GRIK4: variants seen among roughly 807,000 people sequenced by gnomAD.
The protein encoded by GRIK4 is glutamate receptor ionotropic, kainate 4.
GRIK4 carries 40 observed loss-of-function variants against 104.9 expected under a neutral mutation model. The ratio of observed to expected loss-of-function variants is 0.38; its 90% CI spans 0.30 to 0.50. The LOEUF is 0.50. GRIK4 is among the 20% of genes least tolerant of loss of function. The pLI, the probability that GRIK4 is intolerant of heterozygous loss-of-function variation, is 0.93. For synonymous variants in GRIK4, 485 were observed against 524.9 expected, an observed-to-expected ratio of 0.92 and a Z score of 1.04; for missense variants, 1,047 against 1,308.1, an observed-to-expected ratio of 0.80 and a Z score of 3.08.
chr11:120,704,613 T>C (rs1387068778), intron 3 of GRIK4, among the ~76,000 whole-genome samples: 3 of 152,172 alleles, frequency 2.0e-5, no homozygotes, highest in Non-Finnish European at 2.9e-5. Flanking sequence ...AGGATAGACA[T>C]TTTTGCTTGC....
intron 1 of GRIK4, among the ~76,000 whole-genome samples, chr11:120,595,030 G>A (rs1254226434): frequency 6.6e-6 from 1 of 152,182 alleles, no homozygotes; most frequent in Non-Finnish European, 1.5e-5. Flanking sequence ...TGAGTTTCAG[G>A]ATCAACCACA....
intron 3 of GRIK4, among the ~76,000 whole-genome samples, chr11:120,800,735 G>A (rs1952606587): frequency 5.3e-5 from 8 of 152,202 alleles, no homozygotes; most frequent in Admixed American, 5.2e-4. Flanking sequence ...GCAATATTCT[G>A]TGTCCTGATT....
chr11:120,785,193 G>A (rs1411539312), intron 3 of GRIK4, among the ~76,000 whole-genome samples: 1 of 152,190 alleles, frequency 6.6e-6, no homozygotes, highest in African/African-American at 2.4e-5. Flanking sequence ...CTGGCTGTTT[G>A]TGCAGTGAGC....
At chr11:120,876,507 G>A (rs1260532688) in intron 11 of GRIK4, among the ~76,000 whole-genome samples, 1 of 148,686 alleles carries the variant, frequency 6.7e-6, no homozygotes, top group Non-Finnish European at 1.5e-5. Context: ...CACTGCGATT[G>A]TCATCATCAT....
chr11:120,765,698 T>C (rs559302689), intron 3 of GRIK4, among the ~76,000 whole-genome samples: 1 of 152,296 alleles, frequency 6.6e-6, no homozygotes, highest in South Asian at 2.1e-4. Context: ...TTGTTATTTT[T>C]CCTTCTAACA....
Position 120,968,551 on chromosome 11 carries a change from G to A in GRIK4, c.2395+1228G>A, listed in dbSNP as rs1296927289. On this transcript the variant is annotated intron_variant, in intron 19 of 20. Transcript: ENST00000527524. ...ACTATGTGATTCTCAGTGTCTATAC[G>A]TGGATCTCTATCTTGCAAGAAGAGG... Among the ~76,000 whole-genome samples the A allele has an allele frequency of 4.6e-5, 7 of 152,300 alleles. 1 individual carries two copies. In the South Asian group the frequency reaches 8.3e-4, roughly 18 times the overall value.
chr11:120,666,855 G>A (rs1386145645), intron 3 of GRIK4, among the ~76,000 whole-genome samples: 2 of 152,226 alleles, frequency 1.3e-5, no homozygotes, highest in Non-Finnish European at 2.9e-5. Flanking sequence ...AATTTCAAAA[G>A]CCTGTCTCCA....
chr11:120,537,035 G>A (rs1255301539), intron 1 of GRIK4, among the ~76,000 whole-genome samples: 5 of 152,172 alleles, frequency 3.3e-5, no homozygotes, highest in African/African-American at 4.8e-5. Flanking sequence ...TCTGAGACAC[G>A]TTGATAAAGT....
chr11:120,577,768 C>A (rs556874778), intron 1 of GRIK4, among the ~76,000 whole-genome samples: 1 of 152,298 alleles, frequency 6.6e-6, no homozygotes, highest in African/African-American at 2.4e-5. Flanking sequence ...AGAGTATCTG[C>A]TGGACAGAGC....
At chr11:120,639,387 T>G (rs1949441937) in intron 1 of GRIK4, among the ~76,000 whole-genome samples, 1 of 152,122 alleles carries the variant, frequency 6.6e-6, no homozygotes, top group Non-Finnish European at 1.5e-5. Flanking sequence ...GGGCCTGCTT[T>G]TGTGCTCTTC....
chr11:120,520,055 G>GCTAA (rs1947778725), intron 1 of GRIK4, among the ~76,000 whole-genome samples: 1 of 151,868 alleles, frequency 6.6e-6, no homozygotes, highest in Non-Finnish European at 1.5e-5. Context: ...ACCACACCTG[G>GCTAA]CTAATTTTTG....
In GRIK4 at chr11:120,941,581, A is replaced by G. The variant is rs184989362; in HGVS notation, c.1590+1121A>G. On this transcript the variant is annotated intron_variant, in intron 14 of 20. Transcript: ENST00000527524. ...AAGTAGGGTCTTTGCAGATGTACTC[A>G]AGTGAAGGTGCAGCCATGCTAGATT... Among the ~76,000 whole-genome samples the G allele has an allele frequency of 1.4e-3, 218 of 152,282 alleles. 6 individuals are homozygous for G. The highest frequency in any genetic ancestry group is 0.014 in the Admixed American group (218 of 15,304).
intron 11 of GRIK4, among the ~76,000 whole-genome samples, chr11:120,887,480 C>G (rs1190462183): frequency 2.0e-5 from 3 of 152,206 alleles, no homozygotes; most frequent in African/African-American, 4.8e-5. Context: ...CCTGTTTGAG[C>G]TGGAAGGGGC....
intron 13 of GRIK4, among the ~76,000 whole-genome samples, chr11:120,916,238 T>C (rs185282170): frequency 6.6e-6 from 1 of 152,130 alleles, no homozygotes; most frequent in East Asian, 1.9e-4. Flanking sequence ...CGCCCAGGAG[T>C]GCTAGGAGTT....
At chr11:120,660,468 G>A in intron 3 of GRIK4, 68 bp downstream of exon 3, 2 of 1,219,126 alleles carry the variant, frequency 1.6e-6, no homozygotes, top group Non-Finnish European at 2.4e-6. Context: ...GGACATGAGA[G>A]TGCTGCACAG....
intron 1 of GRIK4, among the ~76,000 whole-genome samples, chr11:120,538,012 C>A (rs149926200): frequency 3.3e-5 from 5 of 152,202 alleles, no homozygotes; most frequent in African/African-American, 4.8e-5. Flanking sequence ...AAATAAAAAT[C>A]TTTTCTTAGT....
At chr11:120,911,797 G>A (rs1194703809) in intron 13 of GRIK4, among the ~76,000 whole-genome samples, 18 of 146,338 alleles carry the variant, frequency 1.2e-4, no homozygotes, top group African/African-American at 4.3e-4. Flanking sequence ...AGCCGAGATC[G>A]TGTGCCATTG....
chr11:120,644,632 G>T (rs926708331), intron 1 of GRIK4, among the ~76,000 whole-genome samples: 6 of 152,178 alleles, frequency 3.9e-5, no homozygotes, highest in African/African-American at 1.2e-4. Context: ...GAGGAAGGAT[G>T]TTCTTGCAGC....
chr11:120,854,111 C>T (rs182586225), intron 8 of GRIK4, among the ~76,000 whole-genome samples: 1 of 152,338 alleles, frequency 6.6e-6, no homozygotes, highest in East Asian at 1.9e-4. Context: ...CTTCATTCAG[C>T]CACATCCGTG....
Sources: gnomAD v4.1 joint callset for allele counts (sites outside exome capture counted in the v4.1 genomes callset) on GRCh38, gnomAD v4.1.1 for gene constraint, MANE v1.5 for transcripts, NCBI Gene and HGNC (gene_info 2026-07-23, HGNC 2026-07-21) for gene names.